Variants in DGCR8 observed in about 807,000 individuals in gnomAD.
DGCR8 encodes the protein microprocessor complex subunit DGCR8.
In DGCR8, 14 loss-of-function variants were observed where a neutral mutation model predicts 78.5. That is an observed-to-expected ratio of 0.18 (90% confidence interval 0.12 to 0.28). DGCR8 has a LOEUF of 0.28. Ranked by LOEUF, DGCR8 falls within the 10% of genes least tolerant of loss-of-function variation. DGCR8 has a pLI of 1.00. For synonymous variants in DGCR8, 399 were observed against 402.4 expected (o/e 0.99, Z 0.10); for missense variants, 702 against 1,022.5 (o/e 0.69, Z 4.28).
Position 20,089,921 on chromosome 22 carries a change from G to A in DGCR8, c.1024-55G>A. 2 of 1,587,726 alleles carry A rather than the reference G, an allele frequency of 1.3e-6. No homozygotes were observed. Among genetic ancestry groups the A allele is most frequent in the Non-Finnish European group, 1.7e-6 (2 of 1,164,966 alleles). ...GCAGAGGCCGGTGAAAGGCATCAGA[G>A]TTTCAGACTCTCGGGTTGTCCTTGT... On this transcript the variant is annotated intron_variant, in intron 4 of 13. Coordinates refer to ENST00000351989, the MANE Select transcript of DGCR8 (RefSeq NM_022720.7). The surrounding 1 kb of genome is among the most constrained non-coding windows in gnomAD (Gnocchi z 4.9).
At position 20,087,884 on chromosome 22, in the gene DGCR8, A is replaced by G. The variant is rs2049505764; in HGVS notation, c.880+563A>G. On this transcript the variant is annotated intron_variant, in intron 3 of 13. Transcript: ENST00000351989. This position sits in a 1 kb window ranked among gnomAD's most constrained non-coding sequence, Gnocchi z 4.1. Reference sequence around the variant, plus strand: ...TTGAGTTGAGGGTAGTGGGGAGAGCACTTGAGAGGCGCCCAGAGTTGCACT... The same window carrying G: ...TTGAGTTGAGGGTAGTGGGGAGAGCGCTTGAGAGGCGCCCAGAGTTGCACT... Among the ~76,000 whole-genome samples the G allele has an allele frequency of 6.6e-6, 1 of 152,086 alleles. No individual in the cohort carries two copies. Among genetic ancestry groups the G allele is most frequent in the Non-Finnish European group, 1.5e-5 (1 of 67,988 alleles).
chr22:20,091,593 C>T lies in DGCR8; in HGVS notation c.1465C>T (p.Leu489Phe), dbSNP rs2049561568. The T allele has an allele frequency of 1.2e-6, 2 of 1,614,184 alleles. No individual in the cohort carries two copies. The highest frequency in any genetic ancestry group is 4.5e-5 in the East Asian group (2 of 44,882). ...ERPILPANQKLITLSVQDAPT... is the reference protein window; with the variant it reads ...ERPILPANQKFITLSVQDAPT... ...GCCCATCTTGCCAGCCAATCAGAAG[C>T]TCATTACTTTATCAGTGCAAGATGC... Residue 489 changes from leucine to phenylalanine, a missense_variant, in exon 6 of 14, where the codon CTC (leucine) becomes TTC (phenylalanine). Physicochemically the swap from Leu to Phe is conservative, Grantham distance 22 (BLOSUM62 0). Transcript: ENST00000351989.
At chr22:20,104,352 A>G (rs1359590535) in intron 9 of DGCR8, among the ~76,000 whole-genome samples, 1 of 151,488 alleles carries the variant, frequency 6.6e-6, no homozygotes, top group Admixed American at 6.6e-5. Flanking sequence ...TATTTTTAGT[A>G]GAGACGGGGT....
At chr22:20,084,949 G>C (rs1602476590) in intron 1 of DGCR8, 1 of 984,872 alleles carries the variant, frequency 1.0e-6, no homozygotes, top group East Asian at 1.1e-4. Flanking sequence ...ATTGTCCCCA[G>C]GGCGGAACGG....
In DGCR8 at chr22:20,085,174, T is replaced by C. The variant is rs997623619; in HGVS notation, c.-277-513T>C. ...GGGCCCAGGAGAGCCCTGGGGTCCC[T>C]GGGTAGCAGAGCGCCTGGCCATGCC... On this transcript the variant is annotated intron_variant, in intron 1 of 13. Transcript: ENST00000351989. The surrounding 1 kb of genome is among the most constrained non-coding windows in gnomAD (Gnocchi z 6.2). The C allele has an allele frequency of 4.7e-6, 2 of 422,132 alleles. No individual in the cohort carries two copies. Among genetic ancestry groups the C allele is most frequent in the Non-Finnish European group, 6.3e-6 (2 of 315,076 alleles). 26.1% of individuals were successfully genotyped at this position (422,132 alleles called of 1,614,324 possible).
rs890406250 is a variant in DGCR8, at chr22:20,080,314, G to T, written c.-347G>T. ...GACAGGCTTTCCAGATGGCTGCGGC[G>T]GTCGGTCGGTGAGGCTTTCCCGGCT... On this transcript the variant is annotated 5_prime_UTR_variant, in exon 1 of 14. Transcript: ENST00000351989. The T allele has an allele frequency of 2.4e-5, 24 of 980,918 alleles. No homozygotes were observed. The highest frequency in any genetic ancestry group is 2.9e-5 in the Non-Finnish European group (24 of 828,222). The allele number at this position is 980,918 out of a possible 1,614,324, so 60.8% of individuals were successfully genotyped here. A position where few individuals can be genotyped will look rare whatever the true frequency, so the allele number is the denominator to read the frequency against.
At chr22:20,103,554 A>T (rs1302835215) in intron 9 of DGCR8, among the ~76,000 whole-genome samples, 1 of 152,050 alleles carries the variant, frequency 6.6e-6, no homozygotes, top group Non-Finnish European at 1.5e-5. Flanking sequence ...GATAAGTCCT[A>T]CTTGGGCATG....
chr22:20,090,561 A>G (rs910694983), intron 5 of DGCR8, among the ~76,000 whole-genome samples: 1 of 151,934 alleles, frequency 6.6e-6, no homozygotes, highest in Non-Finnish European at 1.5e-5. Context: ...ATCTTTCCCT[A>G]AGTCTTGCTT....
chr22:20,107,061 T>A, intron 11 of DGCR8: 1 of 607,508 alleles, frequency 1.6e-6, no homozygotes, highest in East Asian at 2.8e-5. Flanking sequence ...TGTCCTCAGC[T>A]CCTAGACTCT....
In DGCR8 at chr22:20,100,624, C is replaced by T. The variant is rs113873747; in HGVS notation, c.1789-5553C>T. On this transcript the variant is annotated intron_variant, in intron 9 of 13. Transcript: ENST00000351989. ...TTTCTGGTGCCAGGAGAGGGCCCAG[C>T]GGGGAGTCAGGTTCTCAGCCTCCAC... 75 of 985,384 alleles carry T rather than the reference C, an allele frequency of 7.6e-5. No individual in the cohort carries two copies. In the African/African-American group the frequency reaches 1.0e-3, roughly 14 times the overall value. 61.0% of individuals were successfully genotyped at this position (985,384 alleles called of 1,614,324 possible). A position where few individuals can be genotyped will look rare whatever the true frequency, so the allele number is the denominator to read the frequency against.
At chr22:20,108,838 G>A in intron 12 of DGCR8, 52 bp from the exon 13 acceptor site, 1 of 1,041,768 alleles carries the variant, frequency 9.6e-7, no homozygotes, top group Non-Finnish European at 1.5e-6. Flanking sequence ...GCAGCGGGCA[G>A]GCCGTAGAGC....
rs11703058 is a variant in DGCR8 at position 20,087,525 on chromosome 22, G to A, written c.880+204G>A. 0.13 allele frequency among the ~76,000 whole-genome samples: 19,836 copies of A among 152,128 alleles called. 1,689 individuals carry two copies. Among genetic ancestry groups the A allele is most frequent in the Non-Finnish European group, 0.19 (12,575 of 67,956 alleles). ...ATGACCCAGATGCGGATCCTGGTGT[G>A]TGCTATGGAAACCACAGAGCAGCAG... is the stretch of plus-strand genomic sequence containing the variant. On this transcript the variant is annotated intron_variant, in intron 3 of 13. Coordinates refer to ENST00000351989, the MANE Select transcript of DGCR8 (RefSeq NM_022720.7). The surrounding 1 kb of genome is among the most constrained non-coding windows in gnomAD (Gnocchi z 4.1).
At chr22:20,105,319 C>T (rs796989857) in intron 9 of DGCR8, among the ~76,000 whole-genome samples, 1 of 152,230 alleles carries the variant, frequency 6.6e-6, no homozygotes, top group Non-Finnish European at 1.5e-5. Context: ...CTGCTGAGGC[C>T]TTGATTTCAG....
intron 6 of DGCR8, 89 bp downstream of exon 6, chr22:20,091,721 T>A (rs1253001156): frequency 6.4e-7 from 1 of 1,555,616 alleles, no homozygotes; most frequent in African/African-American, 1.4e-5. Flanking sequence ...TGAGTTGCAT[T>A]TCGTTCAAAG....
At chr22:20,084,089 C>G (rs372535771) in intron 1 of DGCR8, among the ~76,000 whole-genome samples, 1 of 152,192 alleles carries the variant, frequency 6.6e-6, no homozygotes. Context: ...GTGACCTTGT[C>G]TCTTGTCCAT....
chr22:20,087,364 GA>G lies in DGCR8; in HGVS notation c.880+44del, dbSNP rs1260580908. The stretch of plus-strand genomic sequence containing the variant: ...AAGCAGTGGGTGTTCCAGGGCAGTG[GA>G]GGGGTGGTTGCTTCCTTAGCAGAAA... On this transcript the variant is annotated intron_variant, in intron 3 of 13. Coordinates refer to ENST00000351989, the MANE Select transcript of DGCR8 (RefSeq NM_022720.7). The surrounding 1 kb of genome is among the most constrained non-coding windows in gnomAD (Gnocchi z 4.1). 5.8e-6 allele frequency: 9 copies of G among 1,553,470 alleles called. No homozygotes were observed. The East Asian group carries it at 1.9e-4, about 33-fold the overall frequency.
In DGCR8 at chr22:20,086,692, G is replaced by A; in HGVS notation, c.720+9G>A. The A allele has an allele frequency of 6.3e-7, 1 of 1,598,596 alleles. No homozygotes were observed. The highest frequency in any genetic ancestry group is 8.5e-7 in the Non-Finnish European group (1 of 1,176,470). ...TGAATTTCCCCTACGAGGTATGTTG[G>A]CAGCCCCTCCTCTAGAGGGCTCTTA... is the stretch of plus-strand genomic sequence containing the variant. On this transcript the variant is annotated intron_variant, in intron 2 of 13. Coordinates refer to ENST00000351989, the MANE Select transcript of DGCR8 (RefSeq NM_022720.7). This position sits in a 1 kb window ranked among gnomAD's most constrained non-coding sequence, Gnocchi z 6.4.
intron 12 of DGCR8, 45 bp from the exon 13 acceptor site, chr22:20,108,845 G>A: frequency 2.8e-6 from 3 of 1,079,724 alleles, no homozygotes; most frequent in Non-Finnish European, 4.3e-6. Context: ...GCAGGCCGTA[G>A]AGCTACAGCC....
rs570197159 is a variant in DGCR8 at position 20,087,901 on chromosome 22, A to G, written c.880+580A>G. Among the ~76,000 whole-genome samples, 1 of 152,138 alleles carries G rather than the reference A, an allele frequency of 6.6e-6. No homozygotes were observed. Among genetic ancestry groups the G allele is most frequent in the South Asian group, 2.1e-4 (1 of 4,802 alleles). ...GGGAGAGCACTTGAGAGGCGCCCAGAGTTGCACTGTGAGGCTCTGTCATCG... is the reference window on the plus strand; with the variant it reads ...GGGAGAGCACTTGAGAGGCGCCCAGGGTTGCACTGTGAGGCTCTGTCATCG... On this transcript the variant is annotated intron_variant, in intron 3 of 13. Coordinates refer to ENST00000351989, the MANE Select transcript of DGCR8 (RefSeq NM_022720.7). The surrounding 1 kb of genome is among the most constrained non-coding windows in gnomAD (Gnocchi z 4.1).
Sources: gnomAD v4.1 joint callset for allele counts (sites outside exome capture counted in the v4.1 genomes callset) on GRCh38, gnomAD v4.1.1 for gene constraint, Gnocchi (gnomAD v3.1) non-coding constraint, MANE v1.5 for transcripts, NCBI Gene and HGNC (gene_info 2026-07-23, HGNC 2026-07-21) for gene names.